Variants in NAA11 observed in about 807,000 individuals in gnomAD.
NAA11 encodes the protein N-alpha-acetyltransferase 11.
NAA11 carries 15 observed loss-of-function variants against 16.1 expected under a neutral mutation model. The observed-to-expected ratio is 0.93, with a 90% CI of 0.62 to 1.44. The LOEUF (loss-of-function observed/expected upper bound fraction) is 1.44. Ranked by LOEUF, NAA11 falls within the 40% of genes most tolerant of loss-of-function variation. The pLI, the probability that NAA11 is intolerant of heterozygous loss-of-function variation, is 0.00. For missense variants in NAA11, 298 were observed against 291.3 expected (o/e 1.02, Z -0.17); for synonymous variants, 122 against 112.4 (o/e 1.09, Z -0.54).
intron 1 of NAA11, among the ~76,000 whole-genome samples, chr4:79,302,718 A>C (rs1356510406): frequency 1.3e-5 from 2 of 152,152 alleles, no homozygotes; most frequent in African/African-American, 4.8e-5. Flanking sequence ...AAAATGGTTT[A>C]AAGAAGAAAT....
At chr4:79,268,681 A>C (rs1441719804) in intron 2 of NAA11, among the ~76,000 whole-genome samples, 1 of 148,648 alleles carries the variant, frequency 6.7e-6, no homozygotes, top group East Asian at 1.9e-4. Context: ...AACTATATTC[A>C]GGAGTAATTA....
intron 1 of NAA11, among the ~76,000 whole-genome samples, chr4:79,305,811 C>T (rs1009969199): frequency 2.0e-5 from 3 of 152,130 alleles, no homozygotes; most frequent in Admixed American, 6.5e-5. Context: ...AATGGTATAA[C>T]ATAATAATCC....
chr4:79,311,829 T>C (rs2110011152), downstream of NAA11, among the ~76,000 whole-genome samples: 1 of 152,272 alleles, frequency 6.6e-6, no homozygotes, highest in African/African-American at 2.4e-5. Context: ...GATAATAAAA[T>C]TAAAGAACAT....
intron 2 of NAA11, among the ~76,000 whole-genome samples, chr4:79,277,402 C>G (rs1033006414): frequency 6.6e-6 from 1 of 151,926 alleles, no homozygotes; most frequent in Non-Finnish European, 1.5e-5. Flanking sequence ...GAAGCTTCTT[C>G]TTTTAGAAAA....
the NAA11 span, among the ~76,000 whole-genome samples, chr4:79,171,881 T>G: frequency 2.6e-4 from 39 of 152,256 alleles, no homozygotes; most frequent in Non-Finnish European, 4.6e-4. Context: ...ACAAATAACA[T>G]TTGGTTGATC....
In NAA11 at chr4:79,264,602, G is replaced by A. The variant is rs568442496; in HGVS notation, c.*122+29403C>T. On this transcript the variant is annotated intron_variant and NMD_transcript_variant, in intron 2 of 2. Transcript: ENST00000511542. Reference sequence around the variant, plus strand: ...TCAAGCTCACCAGCGATCTTCACACGGCCAGATCTCATGTGTACTTCTTTA... The same window carrying A: ...TCAAGCTCACCAGCGATCTTCACACAGCCAGATCTCATGTGTACTTCTTTA... Among the ~76,000 whole-genome samples the A allele has an allele frequency of 5.3e-5, 8 of 152,188 alleles. No individual in the cohort carries two copies. The East Asian group carries it at 1.2e-3, about 22-fold the overall frequency.
the NAA11 span, among the ~76,000 whole-genome samples, chr4:79,178,776 G>A: frequency 2.0e-5 from 3 of 152,048 alleles, no homozygotes; most frequent in Non-Finnish European, 4.4e-5. Context: ...TTGGGATGGT[G>A]GACTATATAC....
intron 2 of NAA11, among the ~76,000 whole-genome samples, chr4:79,259,967 G>C (rs145978806): frequency 4.6e-5 from 7 of 152,226 alleles, no homozygotes; most frequent in Admixed American, 2.0e-4. Flanking sequence ...AGCCCTAATG[G>C]GTTATTTTTG....
At chr4:79,303,113 T>G (rs1278442504) in intron 1 of NAA11, among the ~76,000 whole-genome samples, 2 of 104,710 alleles carry the variant, frequency 1.9e-5, no homozygotes, top group African/African-American at 6.4e-5. Context: ...TATATATATA[T>G]ATATATATAC....
intron 2 of NAA11, among the ~76,000 whole-genome samples, chr4:79,262,723 CTATT>C (rs1364335335): frequency 6.7e-6 from 1 of 149,076 alleles, no homozygotes; most frequent in Non-Finnish European, 1.5e-5. Context: ...AAAAGAAACT[CTATT>C]TGTTTAGTTT....
the NAA11 span, among the ~76,000 whole-genome samples, chr4:79,189,376 A>G: frequency 2.0e-5 from 3 of 152,206 alleles, no homozygotes; most frequent in South Asian, 4.2e-4. Flanking sequence ...CTAGATGGCA[A>G]CATTTTGAGG....
intron 2 of NAA11, among the ~76,000 whole-genome samples, chr4:79,274,577 C>G (rs1315979016): frequency 1.3e-5 from 2 of 152,106 alleles, no homozygotes; most frequent in Admixed American, 6.6e-5. Flanking sequence ...GGCCCTCCTA[C>G]CTATGTGACC....
At chr4:79,229,357 T>G (rs1427825193) in intron 2 of NAA11, among the ~76,000 whole-genome samples, 1 of 150,904 alleles carries the variant, frequency 6.6e-6, no homozygotes, top group Admixed American at 6.7e-5. Context: ...TTGTCAAAAA[T>G]AAATGAAGTT....
chr4:79,239,700 G>A (rs531621201), intron 2 of NAA11, among the ~76,000 whole-genome samples: 7 of 151,314 alleles, frequency 4.6e-5, no homozygotes, highest in East Asian at 1.9e-4. Context: ...ACTCTGTCTC[G>A]GAAAAAAAAA....
chr4:79,320,213 A>C (rs967087721), intron 1 of NAA11, among the ~76,000 whole-genome samples: 1 of 152,210 alleles, frequency 6.6e-6, no homozygotes, highest in African/African-American at 2.4e-5. Context: ...ATTCAGCTGA[A>C]TGCTTTGACA....
intron 2 of NAA11, among the ~76,000 whole-genome samples, chr4:79,259,943 T>C (rs1259139379): frequency 3.9e-5 from 6 of 152,228 alleles, no homozygotes; most frequent in Admixed American, 1.3e-4. Context: ...GTATGGGGAC[T>C]TGTCTTTGAT....
the NAA11 span, among the ~76,000 whole-genome samples, chr4:79,188,449 G>C: frequency 6.6e-6 from 1 of 151,934 alleles, no homozygotes; most frequent in Non-Finnish European, 1.5e-5. Flanking sequence ...GCCCGGCCTA[G>C]TGGTGGGCAC....
the NAA11 span, among the ~76,000 whole-genome samples, chr4:79,196,327 C>T: frequency 8.7e-3 from 1,329 of 152,064 alleles, 24 homozygotes; most frequent in African/African-American, 0.03. Flanking sequence ...AATGACCCTC[C>T]TCCATGTTTC....
At chr4:79,199,232 C>A in the NAA11 span, among the ~76,000 whole-genome samples, 1 of 151,842 alleles carries the variant, frequency 6.6e-6, no homozygotes, top group Non-Finnish European at 1.5e-5. Flanking sequence ...GTCTGAAAAA[C>A]CTGGCTGTTT....
Sources: allele counts gnomAD v4.1 joint callset (sites outside exome capture counted in the v4.1 genomes callset), GRCh38; gene constraint gnomAD v4.1.1; transcripts MANE v1.5; gene names NCBI Gene and HGNC (gene_info 2026-07-23, HGNC 2026-07-21).